Variants in NDUFS2 observed in about 807,000 individuals in gnomAD.
The protein encoded by NDUFS2 is NADH:ubiquinone oxidoreductase core subunit S2, also known as NADH dehydrogenase [ubiquinone] iron-sulfur protein 2, mitochondrial.
In NDUFS2, 38 loss-of-function variants were observed where a neutral mutation model predicts 69.6. The ratio of observed to expected loss-of-function variants is 0.55; its 90% CI spans 0.42 to 0.72. The LOEUF (loss-of-function observed/expected upper bound fraction) is 0.72. NDUFS2 is among the 30% of genes least tolerant of loss of function. The pLI is 0.00. For synonymous variants in NDUFS2, 194 were observed against 211.2 expected (o/e 0.92, Z 0.70); for missense variants, 468 against 595.0 (o/e 0.79, Z 2.22).
At position 161,209,487 on chromosome 1, in the gene NDUFS2, G is replaced by A. The variant is rs745363645; in HGVS notation, c.519G>A (p.Leu173=). 9.3e-6 allele frequency: 15 copies of A among 1,613,642 alleles called. No individual in the cohort carries two copies. In the African/African-American group the frequency reaches 1.9e-4, roughly 20 times the overall value. ...GTCTTCTCCTTGTCTTCACAGTGCTGTTTGGAGAAATCACACGTTTGTTGA... is the reference window on the plus strand; with the variant it reads ...GTCTTCTCCTTGTCTTCACAGTGCTATTTGGAGAAATCACACGTTTGTTGA... ...PPPRAQWIRV[L]FGEITRLLNH... The change falls in exon 5 of 14, where the codon CTG becomes CTA. Residue 173 remains leucine, a synonymous_variant. Transcript: ENST00000676972.
intron 3 of NDUFS2, 41 bp downstream of exon 3, chr1:161,206,638 T>C (rs1485997293): frequency 2.5e-6 from 4 of 1,605,816 alleles, no homozygotes; most frequent in Non-Finnish European, 3.4e-6. Flanking sequence ...GGATCTGGGG[T>C]TGCTTTAGCC....
chr1:161,203,665 G>A, intron 2 of NDUFS2, 122 bp downstream of exon 2: 3 of 854,806 alleles, frequency 3.5e-6, no homozygotes, highest in Non-Finnish European at 5.8e-6. Context: ...GTGCGAAAGT[G>A]GCTCACTGTA....
intron 12 of NDUFS2, 56 bp downstream of exon 12, chr1:161,213,788 A>C: frequency 4.3e-6 from 7 of 1,612,634 alleles, no homozygotes; most frequent in Non-Finnish European, 4.2e-6. Context: ...ACCTTGGTTG[A>C]GGTTTTTATG....
Position 161,209,924 on chromosome 1 carries a change from T to A in NDUFS2, c.695T>A (p.Val232Glu). The A allele has an allele frequency of 1.2e-6, 2 of 1,613,706 alleles. No individual in the cohort carries two copies. Among genetic ancestry groups the A allele is most frequent in the Non-Finnish European group, 1.7e-6 (2 of 1,179,908 alleles). ...GCTGCTTATATCCGGCCAGGAGGAG[T>A]GCACCAGGTGAGCAGGTCCCCGGCT... ...MHAAYIRPGGVHQDLPLGLMD... is the reference protein window; with the variant it reads ...MHAAYIRPGGEHQDLPLGLMD... Residue 232 changes from valine to glutamate, a missense_variant, in exon 6 of 14, where the codon GTG (valine) becomes GAG (glutamate). Physicochemically the swap from Val to Glu is moderately radical, Grantham distance 121. Around this residue, in one of 3 missense-constraint regions of NDUFS2, gnomAD observed 339 missense variants for 433.8 expected, o/e 0.78. Transcript: ENST00000676972.
At chr1:161,210,032 G>A (rs547255836) in intron 6 of NDUFS2, 79 bp from the exon 7 acceptor site, 35 of 1,588,722 alleles carry the variant, frequency 2.2e-5, no homozygotes, top group African/African-American at 2.7e-5. Flanking sequence ...AACCTGTATC[G>A]CTGGGGGAGG....
At chr1:161,202,257 G>T, upstream of NDUFS2, 1 of 874,436 alleles carries the variant, frequency 1.1e-6, no homozygotes, top group South Asian at 1.4e-5. Context: ...TTGTCAGTTC[G>T]ACGGTAAACG....
In NDUFS2 at chr1:161,210,335, G is replaced by A. The variant is rs1665702999; in HGVS notation, c.812G>A (p.Arg271Gln). The A allele has an allele frequency of 2.5e-6, 4 of 1,614,006 alleles. No individual in the cohort carries two copies. The highest frequency in any genetic ancestry group is 3.4e-6 in the Non-Finnish European group (4 of 1,179,994). Residue 271 changes from arginine (R) to glutamine (Q), a missense_variant, in exon 8 of 14, where the codon CGG becomes CAG. Transcript: ENST00000676972. ...ACCAACAATAGGATCTGGCGAAATCGGACAATTGACATTGGGGTTGTAACA... is the reference window on the plus strand; with the variant it reads ...ACCAACAATAGGATCTGGCGAAATCAGACAATTGACATTGGGGTTGTAACA... Reference protein sequence around the residue: ...LLTNNRIWRNRTIDIGVVTAE... With the variant: ...LLTNNRIWRNQTIDIGVVTAE...
intron 9 of NDUFS2, among the ~76,000 whole-genome samples, chr1:161,211,509 G>A (rs1001046124): frequency 6.6e-6 from 1 of 152,152 alleles, no homozygotes; most frequent in Admixed American, 6.6e-5. Context: ...AATTAGCTGG[G>A]TGTGGTGGTA....
chr1:161,198,284 G>A (rs751288859), upstream of NDUFS2: 17 of 1,613,612 alleles, frequency 1.1e-5, no homozygotes, highest in East Asian at 2.2e-4. This position sits in a 1 kb window ranked among gnomAD's most constrained non-coding sequence, Gnocchi z 4.7. Context: ...CAGCTCAGGC[G>A]CCTGGCCCAG....
intron 5 of NDUFS2, 107 bp from the exon 6 acceptor site, chr1:161,209,750 T>C (rs1665666468): frequency 1.5e-6 from 2 of 1,324,830 alleles, no homozygotes; most frequent in Admixed American, 3.9e-5. Flanking sequence ...AGAAACTATA[T>C]CATGAGGGGT....
chr1:161,202,202 ACTGTTAT>A, upstream of NDUFS2: 1 of 652,122 alleles, frequency 1.5e-6, no homozygotes, highest in Non-Finnish European at 2.8e-6. Context: ...GACCGCGGTC[ACTGTTAT>A]CTAAACGCAA....
At chr1:161,197,899 C>T (rs895276422), upstream of NDUFS2, 1 of 1,492,562 alleles carries the variant, frequency 6.7e-7, no homozygotes, top group Non-Finnish European at 8.9e-7. Context: ...AGCAGAACGG[C>T]CAGAAGTGTA....
chr1:161,210,753 C>A, intron 9 of NDUFS2, 43 bp downstream of exon 9: 1 of 1,613,234 alleles, frequency 6.2e-7, no homozygotes, highest in South Asian at 1.1e-5. Flanking sequence ...CAGCTAGTTT[C>A]CCCTGCCTCA....
In NDUFS2 at chr1:161,210,896, C is replaced by T. The variant is rs185562350; in HGVS notation, c.986+186C>T. Among the ~76,000 whole-genome samples, 82 of 152,208 alleles carry T rather than the reference C, an allele frequency of 5.4e-4. 1 individual carries two copies. The highest frequency in any genetic ancestry group is 1.7e-3 in the African/African-American group (70 of 41,532). On this transcript the variant is annotated intron_variant, in intron 9 of 13. Coordinates refer to ENST00000676972, the MANE Select transcript of NDUFS2 (RefSeq NM_001377299.1). The stretch of plus-strand genomic sequence containing the variant: ...TTACTTATTTTTTTCTTTTTTGAGA[C>T]GGAGTTTTGCTCTTGTTGCCCAGGT...
chr1:161,204,625 A>G (rs1371816520), intron 2 of NDUFS2, among the ~76,000 whole-genome samples: 1 of 152,214 alleles, frequency 6.6e-6, no homozygotes, highest in Non-Finnish European at 1.5e-5. Flanking sequence ...AGACACTTCC[A>G]GTTACTTTCC....
At chr1:161,210,026 T>C (rs997604338) in intron 6 of NDUFS2, 85 bp from the exon 7 acceptor site, 5 of 1,590,560 alleles carry the variant, frequency 3.1e-6, no homozygotes, top group African/African-American at 2.7e-5. Flanking sequence ...ACTCCAAACC[T>C]GTATCGCTGG....
At chr1:161,202,579 G>A (rs1665201154) in intron 1 of NDUFS2, 99 bp downstream of exon 1, 1 of 1,232,810 alleles carries the variant, frequency 8.1e-7, no homozygotes, top group Non-Finnish European at 1.2e-6. Flanking sequence ...CCAAGCCTGT[G>A]ACCCCATTGT....
chr1:161,214,336 C>A lies in NDUFS2; in HGVS notation c.*143C>A. ...ACACTTGGCTGTCAGGCTTTCTGTG[C>A]ATGTACTAAAAAAGGAGAAATTATA... On this transcript the variant is annotated 3_prime_UTR_variant, in exon 14 of 14. Transcript: ENST00000676972. 1 of 826,780 alleles carries A rather than the reference C, an allele frequency of 1.2e-6. No homozygotes were observed. Among genetic ancestry groups the A allele is most frequent in the Non-Finnish European group, 2.0e-6 (1 of 501,978 alleles). 51.2% of individuals were successfully genotyped at this position (826,780 alleles called of 1,614,324 possible). A position where few individuals can be genotyped will look rare whatever the true frequency, so the allele number is the denominator to read the frequency against.
At chr1:161,210,211 A>G in intron 7 of NDUFS2, 23 bp downstream of exon 7, 1 of 1,613,404 alleles carries the variant, frequency 6.2e-7, no homozygotes, top group Non-Finnish European at 8.5e-7. Context: ...TCAATGGGAA[A>G]AATCTCTCCC....
Sources: allele counts gnomAD v4.1 joint callset (sites outside exome capture counted in the v4.1 genomes callset), GRCh38; gene constraint gnomAD v4.1.1; regional missense constraint gnomAD v4.1.1; non-coding constraint Gnocchi (gnomAD v3.1); transcripts MANE v1.5; gene names NCBI Gene and HGNC (gene_info 2026-07-23, HGNC 2026-07-21).